VPS13C: variants seen among roughly 807,000 people sequenced by gnomAD.
VPS13C encodes the protein intermembrane lipid transfer protein VPS13C.
Under a neutral mutation model 456.8 loss-of-function variants are expected in VPS13C, and 358 were observed. That is an observed-to-expected ratio of 0.78 (90% confidence interval 0.72 to 0.86). VPS13C has a LOEUF of 0.86. VPS13C is among the 40% of genes least tolerant of loss of function. The pLI, the probability that VPS13C is intolerant of heterozygous loss-of-function variation, is 0.00. For missense variants in VPS13C, 4,818 were observed against 4,385.4 expected (o/e 1.10, Z -2.79); for synonymous variants, 1,578 against 1,486.7 (o/e 1.06, Z -1.41).
chr15:62,020,094 G>C (rs2047404560), intron 9 of VPS13C, among the ~76,000 whole-genome samples: 8 of 148,610 alleles, frequency 5.4e-5, no homozygotes, highest in Admixed American at 5.3e-4. Context: ...AGATGAGTGT[G>C]CGCACACACA....
chr15:61,878,207 ACCCAGATAACT>A (rs918642216), intron 74 of VPS13C, among the ~76,000 whole-genome samples: 65 of 151,686 alleles, frequency 4.3e-4, no homozygotes, highest in Admixed American at 1.8e-3. Context: ...ATTTTTTTTC[ACCCAGATAACT>A]ACTTGTTCCA....
chr15:61,973,338 A>C (rs980334495), intron 26 of VPS13C, 116 bp downstream of exon 26: 2 of 808,356 alleles, frequency 2.5e-6, no homozygotes. Context: ...AACTAGAACT[A>C]AAACCAGTAA....
chr15:62,013,401 C>A (rs2047115976), intron 10 of VPS13C, among the ~76,000 whole-genome samples: 1 of 151,598 alleles, frequency 6.6e-6, no homozygotes, highest in African/African-American at 2.4e-5. Flanking sequence ...TTAACAGACC[C>A]TGTAAATATT....
At chr15:61,900,228 C>T (rs1406759421) in intron 66 of VPS13C, among the ~76,000 whole-genome samples, 1 of 152,318 alleles carries the variant, frequency 6.6e-6, no homozygotes, top group African/African-American at 2.4e-5. Flanking sequence ...TCTCTCACCA[C>T]TCCTATTCAA....
At chr15:62,047,069 TA>T (rs2048429363) in intron 1 of VPS13C, among the ~76,000 whole-genome samples, 1 of 151,974 alleles carries the variant, frequency 6.6e-6, no homozygotes, top group African/African-American at 2.4e-5. Flanking sequence ...ACGATTTAAA[TA>T]TTTTTTATAT....
At chr15:61,961,186 T>A (rs986291024) in intron 35 of VPS13C, among the ~76,000 whole-genome samples, 5 of 150,606 alleles carry the variant, frequency 3.3e-5, no homozygotes, top group South Asian at 2.1e-4. Context: ...GTGAGGAGTT[T>A]GAGACCAGCC....
chr15:62,046,709 A>T (rs981928933), intron 1 of VPS13C, among the ~76,000 whole-genome samples: 1 of 152,226 alleles, frequency 6.6e-6, no homozygotes, highest in Non-Finnish European at 1.5e-5. Flanking sequence ...AGGCACTACC[A>T]TAATGTTTGT....
At chr15:61,896,319 C>G in intron 66 of VPS13C, among the ~76,000 whole-genome samples, 1 of 152,224 alleles carries the variant, frequency 6.6e-6, no homozygotes, top group African/African-American at 2.4e-5. Flanking sequence ...CGGGTGATTT[C>G]TGCATTTCCA....
intron 49 of VPS13C, among the ~76,000 whole-genome samples, chr15:61,933,796 T>C (rs1331134302): frequency 6.6e-6 from 1 of 152,076 alleles, no homozygotes; most frequent in Admixed American, 6.5e-5. Flanking sequence ...ACACAATTAA[T>C]GCTTATATAC....
At chr15:61,895,354 T>C (rs1023303459) in intron 66 of VPS13C, among the ~76,000 whole-genome samples, 12 of 151,420 alleles carry the variant, frequency 7.9e-5, no homozygotes, top group Non-Finnish European at 1.6e-4. Flanking sequence ...GAAAAAATAA[T>C]AAAGATCAGA....
intron 74 of VPS13C, 115 bp downstream of exon 74, chr15:61,878,492 T>C (rs1895619621): frequency 1.5e-6 from 2 of 1,337,172 alleles, no homozygotes; most frequent in African/African-American, 1.5e-5. Flanking sequence ...TCTCCAAATA[T>C]AAGTAGTAAA....
chr15:61,988,476 A>T (rs76073418), intron 18 of VPS13C, among the ~76,000 whole-genome samples: 1 of 152,224 alleles, frequency 6.6e-6, no homozygotes, highest in East Asian at 1.9e-4. Context: ...GCCATGTGCT[A>T]TATTTATAGG....
intron 1 of VPS13C, among the ~76,000 whole-genome samples, chr15:62,055,403 ATTT>A (rs35306432): frequency 1.7e-4 from 20 of 115,928 alleles, no homozygotes; most frequent in Admixed American, 2.6e-4. Flanking sequence ...AATTTTTTGT[ATTT>A]TTTTTTTTTT....
At position 61,977,203 on chromosome 15, in the gene VPS13C, TA is replaced by T; in HGVS notation, c.2291-5del. The T allele has an allele frequency of 6.6e-7, 1 of 1,507,488 alleles. No homozygotes were observed. 93.4% of individuals were successfully genotyped at this position (1,507,488 alleles called of 1,614,324 possible). ...CGACACTTTTTCCAGGTTTCCTCTT[TA>T]AAAAATAATTTAAGATATTATTTAT... On this transcript the variant is annotated splice_region_variant and splice_polypyrimidine_tract_variant and intron_variant, in intron 23 of 84. Transcript: ENST00000644861.
intron 37 of VPS13C, among the ~76,000 whole-genome samples, chr15:61,958,357 A>C (rs1301283622): frequency 6.6e-6 from 1 of 152,084 alleles, no homozygotes; most frequent in East Asian, 1.9e-4. Flanking sequence ...ACTGATTTGA[A>C]GTTCTTCTTT....
intron 15 of VPS13C, among the ~76,000 whole-genome samples, chr15:62,004,504 T>C (rs1254807550): frequency 6.8e-6 from 1 of 147,758 alleles, no homozygotes; most frequent in Non-Finnish European, 1.5e-5. Flanking sequence ...GAAGGATTTT[T>C]TGTGTCTCTA....
In VPS13C at chr15:61,869,574, C is replaced by T; in HGVS notation, c.10674G>A (p.Gly3558=). ...AAGFFKGIGK[G]LVGAVARPTG... is the part of the protein sequence containing the mutation. ...TTGGACGGGCCACAGCACCCACAAGCCCTTTTCCAATTCCTTTAAAGAATC... is the reference window on the plus strand; with the variant it reads ...TTGGACGGGCCACAGCACCCACAAGTCCTTTTCCAATTCCTTTAAAGAATC... Residue 3558 remains glycine, a synonymous_variant, in exon 80 of 85, where the codon GGG becomes GGA. Transcript: ENST00000644861. 6.2e-7 allele frequency: 1 copy of T among 1,614,146 alleles called. No individual in the cohort carries two copies.
intron 81 of VPS13C, chr15:61,864,390 GT>G (rs1210385163): frequency 7.8e-6 from 7 of 901,890 alleles, no homozygotes; most frequent in Non-Finnish European, 9.3e-6. Flanking sequence ...TTAAAAACGA[GT>G]TTTTTTATAA....
chr15:61,936,299 A>G (rs1366675270), intron 48 of VPS13C, among the ~76,000 whole-genome samples: 1 of 152,156 alleles, frequency 6.6e-6, no homozygotes, highest in Non-Finnish European at 1.5e-5. Context: ...GGACCTTACT[A>G]CACTGCCTAT....
Sources: allele counts gnomAD v4.1 joint callset (sites outside exome capture counted in the v4.1 genomes callset), GRCh38; gene constraint gnomAD v4.1.1; transcripts MANE v1.5; gene names NCBI Gene and HGNC (gene_info 2026-07-23, HGNC 2026-07-21).